NLGN4X: variants seen among roughly 807,000 people sequenced by gnomAD.
The protein encoded by NLGN4X is neuroligin 4 X-linked.
NLGN4X carries 3 observed loss-of-function variants against 40.3 expected under a neutral mutation model. That is an observed-to-expected ratio of 0.07 (90% CI 0.03 to 0.19). The LOEUF (loss-of-function observed/expected upper bound fraction) is 0.19. Ranked by LOEUF, NLGN4X falls within the 10% of genes least tolerant of loss-of-function variation. NLGN4X has a pLI of 1.00. For missense variants in NLGN4X, 382 were observed against 708.3 expected (o/e 0.54, Z 5.23); for synonymous variants, 270 against 306.8 (o/e 0.88, Z 1.25).
intron 1 of NLGN4X, among the ~76,000 whole-genome samples, chrX:6,208,643 C>T (rs1022545536): frequency 1.8e-5 from 2 of 111,960 alleles, no homozygotes; most frequent in African/African-American, 6.5e-5. Context: ...CATTTCATAA[C>T]AGAGCTTTTT....
chrX:6,013,689 T>C (rs1461957473), intron 3 of NLGN4X, among the ~76,000 whole-genome samples: 2 of 109,656 alleles, frequency 1.8e-5, no homozygotes, highest in African/African-American at 3.3e-5. Flanking sequence ...TGAAACCCCC[T>C]CTGTAAACAA....
At chrX:6,135,676 T>C (rs2039798985) in intron 2 of NLGN4X, among the ~76,000 whole-genome samples, 1 of 111,478 alleles carries the variant, frequency 9.0e-6, no homozygotes, top group South Asian at 3.8e-4. Flanking sequence ...GGCATGCAAC[T>C]AAAATTAGGC....
At chrX:6,150,427 G>A (rs1041686934) in intron 2 of NLGN4X, among the ~76,000 whole-genome samples, 12 of 111,898 alleles carry the variant, frequency 1.1e-4, no homozygotes, top group South Asian at 3.7e-4. Context: ...AATATTGGAA[G>A]AAAAGAACAT....
intron 3 of NLGN4X, among the ~76,000 whole-genome samples, chrX:5,981,779 C>T (rs1227698418): frequency 9.1e-6 from 1 of 110,367 alleles, no homozygotes; most frequent in East Asian, 2.8e-4. Context: ...TTATAGTATA[C>T]AAAGAAGTTT....
At chrX:5,952,228 G>A (rs904606432) in intron 3 of NLGN4X, among the ~76,000 whole-genome samples, 2 of 111,717 alleles carry the variant, frequency 1.8e-5, no homozygotes, top group Admixed American at 1.9e-4. Flanking sequence ...CTTGGAAGAC[G>A]AGGAGATGGT....
intron 3 of NLGN4X, among the ~76,000 whole-genome samples, chrX:5,913,656 T>C (rs1404118939): frequency 8.9e-6 from 1 of 112,198 alleles, no homozygotes; most frequent in African/African-American, 3.2e-5. Context: ...AATGGCTACA[T>C]TGATGCCAAG....
intron 3 of NLGN4X, among the ~76,000 whole-genome samples, chrX:5,916,427 C>T (rs1397598744): frequency 9.5e-6 from 1 of 105,301 alleles, no homozygotes; most frequent in Non-Finnish European, 2.0e-5. Context: ...CTGAATACTA[C>T]ATATCATTTA....
At chrX:5,914,434 T>C (rs918315290) in intron 3 of NLGN4X, among the ~76,000 whole-genome samples, 58 of 111,298 alleles carry the variant, frequency 5.2e-4, no homozygotes, top group African/African-American at 1.8e-3. Flanking sequence ...CATTGTTACA[T>C]GACGTTAAAG....
At chrX:6,029,596 T>C (rs2036801139) in intron 2 of NLGN4X, among the ~76,000 whole-genome samples, 164 bp from the exon 3 acceptor site, 2 of 111,944 alleles carry the variant, frequency 1.8e-5, no homozygotes, top group African/African-American at 3.2e-5. Flanking sequence ...CTAAGGAAAA[T>C]GATCAATGCT....
At chrX:5,971,047 T>C (rs945307266) in intron 3 of NLGN4X, among the ~76,000 whole-genome samples, 5 of 111,601 alleles carry the variant, frequency 4.5e-5, no homozygotes, top group Non-Finnish European at 7.5e-5. Context: ...CCAATAGCCA[T>C]AGAGCTCAAT....
chrX:6,194,606 G>T (rs1277671810), intron 1 of NLGN4X, among the ~76,000 whole-genome samples: 3 of 111,814 alleles, frequency 2.7e-5, no homozygotes, highest in Non-Finnish European at 5.6e-5. Context: ...TAATGAGCCA[G>T]CACATTATTA....
intron 1 of NLGN4X, among the ~76,000 whole-genome samples, chrX:6,202,140 T>C (rs997637342): frequency 1.8e-5 from 2 of 109,643 alleles, no homozygotes; most frequent in Non-Finnish European, 3.8e-5. Context: ...AAGCAGGATA[T>C]GGGTTTGTTG....
At chrX:6,207,023 T>C (rs1219949967) in intron 1 of NLGN4X, among the ~76,000 whole-genome samples, 1 of 105,166 alleles carries the variant, frequency 9.5e-6, no homozygotes, top group Non-Finnish European at 1.9e-5. Context: ...AAAATTGCAC[T>C]AGATTCTCTC....
At chrX:6,124,002 T>C (rs181840450) in intron 2 of NLGN4X, among the ~76,000 whole-genome samples, 47 of 110,734 alleles carry the variant, frequency 4.2e-4, no homozygotes, top group African/African-American at 1.5e-3. Context: ...AAAAGATATA[T>C]TTAAAATAAA....
At chrX:6,108,519 TAAATAAAA>T (rs1469081336) in intron 2 of NLGN4X, among the ~76,000 whole-genome samples, 1 of 109,378 alleles carries the variant, frequency 9.1e-6, no homozygotes, top group Non-Finnish European at 1.9e-5. Context: ...AATAAATAAA[TAAATAAAA>T]AATTGGCTGG....
chrX:5,909,916 T>C (rs944592038), intron 3 of NLGN4X, among the ~76,000 whole-genome samples: 22 of 111,218 alleles, frequency 2.0e-4, no homozygotes, highest in Admixed American at 1.9e-4. Flanking sequence ...CTAATGAATA[T>C]TCACATCTCC....
At chrX:6,171,514 C>T (rs1019499645) in intron 1 of NLGN4X, among the ~76,000 whole-genome samples, 3 of 111,734 alleles carry the variant, frequency 2.7e-5, no homozygotes, top group Admixed American at 1.9e-4. Flanking sequence ...TCATTTATTC[C>T]GCTGTTTGAA....
At chrX:6,148,662 C>T (rs781297379) in intron 2 of NLGN4X, among the ~76,000 whole-genome samples, 8 of 110,459 alleles carry the variant, frequency 7.2e-5, no homozygotes, top group East Asian at 5.7e-4. Context: ...ATTACAGACA[C>T]GCGCCACCAT....
chrX:5,918,624 TCTCTGCCTCTTTA>T (rs2032905219), intron 3 of NLGN4X, among the ~76,000 whole-genome samples: 1 of 112,323 alleles, frequency 8.9e-6, no homozygotes, highest in Non-Finnish European at 1.9e-5. Context: ...TTAACCAAAC[TCTCTGCCTCTTTA>T]AGTTCTTAAT....
Sources: allele counts gnomAD v4.1 joint callset (sites outside exome capture counted in the v4.1 genomes callset), GRCh38; gene constraint gnomAD v4.1.1; transcripts MANE v1.5; gene names NCBI Gene and HGNC (gene_info 2026-07-23, HGNC 2026-07-21).